Variants in MMS22L observed in about 807,000 individuals in gnomAD.
MMS22L encodes the protein MMS22 like, DNA repair protein.
Under a neutral mutation model 159.1 loss-of-function variants are expected in MMS22L, and 74 were observed. The observed-to-expected ratio is 0.47, with a 90% CI of 0.39 to 0.56. The LOEUF (loss-of-function observed/expected upper bound fraction) is 0.56. Ranked by LOEUF, MMS22L falls within the 20% of genes least tolerant of loss-of-function variation. The pLI is 0.00. For missense variants in MMS22L, 1,351 were observed against 1,422.1 expected, an observed-to-expected ratio of 0.95 and a Z score of 0.80; for synonymous variants, 517 against 506.9, an observed-to-expected ratio of 1.02 and a Z score of -0.27.
In MMS22L at chr6:97,159,131, A is replaced by ATTTT. The variant is rs140191756; in HGVS notation, c.3385+2867_3385+2870dup. 4.4e-3 allele frequency among the ~76,000 whole-genome samples: 638 copies of ATTTT among 144,456 alleles called. 4 individuals are homozygous for ATTTT. The highest frequency in any genetic ancestry group is 0.015 in the African/African-American group (610 of 39,458). The allele number at this position is 144,456 out of a possible 152,430, so 94.8% of individuals were successfully genotyped here. ...TCAGAGACTAGGACTGCAACCCCTG[A>ATTTT]TTTTTTTTTTTTTGCTTTCCATTTG... On this transcript the variant is annotated intron_variant, in intron 22 of 24. Transcript: ENST00000683635.
rs192060454 is a variant in MMS22L, at chr6:97,226,107, A to G, written c.2039+2787T>C. On this transcript the variant is annotated intron_variant, in intron 14 of 24. Coordinates refer to ENST00000683635, the MANE Select transcript of MMS22L (RefSeq NM_001350599.2). ...ACAGAAATACATTTACAAAGATGTT[A>G]AATAAACGTAAACTGGTAAACAATA... 5.3e-5 allele frequency among the ~76,000 whole-genome samples: 8 copies of G among 152,342 alleles called. No homozygotes were observed. The East Asian group carries it at 1.5e-3, about 29-fold the overall frequency.
At chr6:97,250,392 G>A (rs1813121779) in intron 10 of MMS22L, among the ~76,000 whole-genome samples, 2 of 152,088 alleles carry the variant, frequency 1.3e-5, no homozygotes, top group Non-Finnish European at 2.9e-5. Context: ...TATTTCAGAC[G>A]ATTCAAAGAC....
chr6:97,237,252 G>A (rs939056091), intron 11 of MMS22L, among the ~76,000 whole-genome samples: 11 of 152,164 alleles, frequency 7.2e-5, no homozygotes, highest in East Asian at 5.8e-4. Context: ...ACCCAATAAC[G>A]TCAGGGTCAC....
intron 14 of MMS22L, among the ~76,000 whole-genome samples, chr6:97,196,039 C>T (rs548331218): frequency 1.3e-4 from 20 of 152,118 alleles, no homozygotes; most frequent in Non-Finnish European, 2.1e-4. Flanking sequence ...GTAACACTAT[C>T]GAAAATATTT....
At chr6:97,162,524 C>A (rs760615030) in intron 21 of MMS22L, among the ~76,000 whole-genome samples, 102 of 151,936 alleles carry the variant, frequency 6.7e-4, no homozygotes, top group Admixed American at 1.2e-3. Flanking sequence ...GTCCTCAATG[C>A]CGCAACATTT....
At chr6:97,219,059 C>A (rs527664576) in intron 14 of MMS22L, among the ~76,000 whole-genome samples, 1 of 152,114 alleles carries the variant, frequency 6.6e-6, no homozygotes, top group Non-Finnish European at 1.5e-5. Flanking sequence ...CATGTGGGAA[C>A]CACCCCCATG....
At chr6:97,186,277 T>C (rs756897042) in intron 15 of MMS22L, among the ~76,000 whole-genome samples, 12 of 152,186 alleles carry the variant, frequency 7.9e-5, no homozygotes, top group Non-Finnish European at 1.8e-4. Flanking sequence ...GTATATTCAA[T>C]ATTTTCAGGA....
rs528979080 is a variant in MMS22L at position 97,180,167 on chromosome 6, T to TC, written c.2385-609dup. Among the ~76,000 whole-genome samples, 26 of 152,026 alleles carry TC rather than the reference T, an allele frequency of 1.7e-4. No homozygotes were observed. In the South Asian group the frequency reaches 5.2e-3, roughly 30 times the overall value. On this transcript the variant is annotated intron_variant, in intron 16 of 24. Transcript: ENST00000683635. ...CCCAGGCTGGAGTGCAGTGGTGCAA[T>TC]CTTGGCTCACTGCAAGCTCTGCCTC...
intron 14 of MMS22L, among the ~76,000 whole-genome samples, chr6:97,216,593 C>T (rs755456798): frequency 5.9e-5 from 9 of 152,160 alleles, no homozygotes; most frequent in Non-Finnish European, 1.0e-4. Flanking sequence ...CAATCTGTCA[C>T]GAATGGGATT....
intron 18 of MMS22L, among the ~76,000 whole-genome samples, chr6:97,177,499 A>G (rs1379587352): frequency 6.6e-6 from 1 of 152,142 alleles, no homozygotes; most frequent in Non-Finnish European, 1.5e-5. Context: ...GTGAAAGAAC[A>G]ATTAATTTGG....
At chr6:97,218,414 G>A (rs1398584546) in intron 14 of MMS22L, among the ~76,000 whole-genome samples, 2 of 152,112 alleles carry the variant, frequency 1.3e-5, no homozygotes, top group African/African-American at 4.8e-5. Context: ...TGGTGAAAAA[G>A]TGATGGTTTA....
At chr6:97,208,836 A>T (rs1427262451) in intron 14 of MMS22L, among the ~76,000 whole-genome samples, 1 of 152,034 alleles carries the variant, frequency 6.6e-6, no homozygotes, top group African/African-American at 2.4e-5. Context: ...AATCTGGTAT[A>T]ACTTTCTACT....
At chr6:97,239,681 A>G (rs1247985713) in intron 11 of MMS22L, among the ~76,000 whole-genome samples, 1 of 152,202 alleles carries the variant, frequency 6.6e-6, no homozygotes, top group East Asian at 1.9e-4. Context: ...TTGGAAGCTG[A>G]GGCAGGAGGA....
At chr6:97,169,484 T>C (rs1471910631) in intron 19 of MMS22L, among the ~76,000 whole-genome samples, 2 of 152,034 alleles carry the variant, frequency 1.3e-5, no homozygotes, top group African/African-American at 4.8e-5. Context: ...TTCCATCAAA[T>C]AAAGAGTTTA....
chr6:97,174,065 C>T (rs13198388), intron 18 of MMS22L, among the ~76,000 whole-genome samples: 5,465 of 151,586 alleles, frequency 0.036, 105 homozygotes, highest in Middle Eastern at 0.072. Context: ...CCATCCTGGC[C>T]AACATGGTGA....
chr6:97,281,418 C>T (rs1195262144), intron 2 of MMS22L, 56 bp from the exon 3 acceptor site: 4 of 1,387,124 alleles, frequency 2.9e-6, no homozygotes, highest in Non-Finnish European at 2.0e-6. Flanking sequence ...CATAATACGA[C>T]GGCTCTTTTC....
chr6:97,267,901 T>C lies in MMS22L; in HGVS notation c.799A>G (p.Ile267Val). Reference protein sequence around the residue: ...EHCETLLCDLISLSLNRYDKV... With the variant: ...EHCETLLCDLVSLSLNRYDKV... Reference sequence around the variant, plus strand: ...TCGTACCTGTTGAGTGACAGGCTTATTAAATCACAAAGGAGAGTTTCACAA... The same window carrying C: ...TCGTACCTGTTGAGTGACAGGCTTACTAAATCACAAAGGAGAGTTTCACAA... The change falls in exon 8 of 25, where the codon ATA becomes GTA. Residue 267 changes from isoleucine (I) to valine (V), a missense_variant. Transcript: ENST00000683635. 6.2e-7 allele frequency: 1 copy of C among 1,607,638 alleles called. No homozygotes were observed. Among genetic ancestry groups the C allele is most frequent in the Non-Finnish European group, 8.5e-7 (1 of 1,178,170 alleles).
chr6:97,248,285 G>C (rs1469532383), intron 10 of MMS22L, among the ~76,000 whole-genome samples: 1 of 152,200 alleles, frequency 6.6e-6, no homozygotes, highest in Non-Finnish European at 1.5e-5. Flanking sequence ...TAAATCTTCA[G>C]ATACTGAAGC....
chr6:97,222,707 GA>G (rs1212017938), intron 14 of MMS22L, among the ~76,000 whole-genome samples: 1 of 152,034 alleles, frequency 6.6e-6, no homozygotes, highest in African/African-American at 2.4e-5. Context: ...GAAAAAGGGG[GA>G]TGGGGAGGGA....
Sources: allele counts gnomAD v4.1 joint callset (sites outside exome capture counted in the v4.1 genomes callset), GRCh38; gene constraint gnomAD v4.1.1; transcripts MANE v1.5; gene names NCBI Gene and HGNC (gene_info 2026-07-23, HGNC 2026-07-21).